NAALADL2: variants seen among roughly 807,000 people sequenced by gnomAD.
The protein encoded by NAALADL2 is inactive N-acetylated-alpha-linked acidic dipeptidase-like protein 2.
Under a neutral mutation model 87.2 loss-of-function variants are expected in NAALADL2, and 76 were observed. The observed-to-expected ratio is 0.87, with a 90% CI of 0.72 to 1.05. The LOEUF is 1.05. Among genes scored for constraint, NAALADL2 ranks in the 50% least tolerant of loss-of-function variants. NAALADL2 has a pLI of 0.00. For synonymous variants in NAALADL2, 354 were observed against 331.0 expected (o/e 1.07, Z -0.75); for missense variants, 1,089 against 945.8 (o/e 1.15, Z -1.99).
At chr3:175,299,000 A>G (rs548873513) in intron 4 of NAALADL2, among the ~76,000 whole-genome samples, 9 of 152,306 alleles carry the variant, frequency 5.9e-5, no homozygotes, top group African/African-American at 1.7e-4. Context: ...ATTCTTTCAA[A>G]GTAATGACAC....
intron 5 of NAALADL2, among the ~76,000 whole-genome samples, chr3:175,328,657 T>A (rs1349135947): frequency 2.6e-5 from 4 of 152,164 alleles, no homozygotes; most frequent in African/African-American, 4.8e-5. Flanking sequence ...TTCTCAATCT[T>A]GAAGCACAAG....
chr3:175,221,731 T>G (rs913495545), intron 2 of NAALADL2, among the ~76,000 whole-genome samples: 6 of 151,816 alleles, frequency 4.0e-5, no homozygotes, highest in Non-Finnish European at 7.4e-5. Flanking sequence ...TTTTATTTCT[T>G]TATTTTTGTA....
At chr3:174,674,068 C>A (rs1475861725) in intron 2 of NAALADL2, among the ~76,000 whole-genome samples, 2 of 151,940 alleles carry the variant, frequency 1.3e-5, no homozygotes, top group Non-Finnish European at 2.9e-5. Flanking sequence ...AAGCATCGTG[C>A]TGGCATCTGC....
At chr3:174,882,768 CGTGTATATATACATAT>C (rs1459658340) in intron 1 of NAALADL2, among the ~76,000 whole-genome samples, 21 of 131,366 alleles carry the variant, frequency 1.6e-4, no homozygotes, top group African/African-American at 4.3e-4. Flanking sequence ...TATATACACA[CGTGTATATATACATAT>C]GTGTATATAT....
intron 2 of NAALADL2, among the ~76,000 whole-genome samples, chr3:174,671,536 C>T (rs578224942): frequency 6.6e-6 from 1 of 152,194 alleles, no homozygotes; most frequent in East Asian, 1.9e-4. Flanking sequence ...CTGTCCTTAA[C>T]ACAGTTTCCC....
intron 3 of NAALADL2, among the ~76,000 whole-genome samples, chr3:174,749,810 G>A (rs1223488655): frequency 2.0e-5 from 3 of 151,986 alleles, no homozygotes; most frequent in Admixed American, 6.6e-5. Context: ...TTTCTTTCCC[G>A]TATCTCTGCT....
Position 175,224,622 on chromosome 3 carries a change from A to G in NAALADL2, c.546-9309A>G, listed in dbSNP as rs1030376946. 6.6e-5 allele frequency among the ~76,000 whole-genome samples: 10 copies of G among 152,242 alleles called. No individual in the cohort carries two copies. In the East Asian group the frequency reaches 1.9e-3, roughly 29 times the overall value. On this transcript the variant is annotated intron_variant, in intron 2 of 13. Transcript: ENST00000454872. Reference sequence around the variant, plus strand: ...TTTGCTGAAAGTCTGCTCTTCTGGTATCATGGATAATTCATTAGGTTCAGT... The same window carrying G: ...TTTGCTGAAAGTCTGCTCTTCTGGTGTCATGGATAATTCATTAGGTTCAGT...
intron 3 of NAALADL2, among the ~76,000 whole-genome samples, chr3:174,766,109 TCTG>T (rs1323522996): frequency 2.0e-5 from 3 of 152,248 alleles, no homozygotes; most frequent in Non-Finnish European, 4.4e-5. Flanking sequence ...GAAAGAGACT[TCTG>T]CTTTCTCTGG....
intron 2 of NAALADL2, among the ~76,000 whole-genome samples, chr3:175,152,791 C>T (rs1388502945): frequency 3.3e-5 from 5 of 151,796 alleles, no homozygotes; most frequent in Non-Finnish European, 5.9e-5. Flanking sequence ...CCTGTAATCC[C>T]GGCTACTCAG....
intron 3 of NAALADL2, among the ~76,000 whole-genome samples, chr3:174,806,194 T>C (rs569371779): frequency 2.0e-5 from 3 of 152,178 alleles, no homozygotes; most frequent in Non-Finnish European, 2.9e-5. Flanking sequence ...GGATGTTTGC[T>C]AAGAACTGCC....
chr3:175,164,486 G>C (rs551597476), intron 2 of NAALADL2, among the ~76,000 whole-genome samples: 6 of 151,962 alleles, frequency 3.9e-5, no homozygotes, highest in Non-Finnish European at 7.4e-5. Flanking sequence ...CTTTTAAAAG[G>C]TAAAAGTATC....
intron 11 of NAALADL2, among the ~76,000 whole-genome samples, chr3:175,719,356 C>T (rs1016551408): frequency 4.0e-5 from 6 of 151,424 alleles, no homozygotes; most frequent in African/African-American, 1.5e-4. Flanking sequence ...TGAAAGTGCA[C>T]ATGTACCCTA....
At chr3:175,734,249 C>T (rs1284280424) in intron 11 of NAALADL2, among the ~76,000 whole-genome samples, 1 of 152,130 alleles carries the variant, frequency 6.6e-6, no homozygotes, top group Admixed American at 6.6e-5. Context: ...TTTCCATACA[C>T]CTTATGAAAT....
At chr3:175,699,344 G>A (rs944095832) in intron 11 of NAALADL2, among the ~76,000 whole-genome samples, 2 of 151,844 alleles carry the variant, frequency 1.3e-5, no homozygotes, top group Admixed American at 6.6e-5. Context: ...TAGATGACAG[G>A]CAACAAGAGA....
intron 3 of NAALADL2, among the ~76,000 whole-genome samples, chr3:174,748,828 C>T (rs1734538890): frequency 6.6e-6 from 1 of 152,156 alleles, no homozygotes; most frequent in East Asian, 1.9e-4. Context: ...TAAGCCAACA[C>T]ATCTATTACC....
intron 1 of NAALADL2, among the ~76,000 whole-genome samples, chr3:174,873,939 A>G (rs947186283): frequency 9.9e-5 from 15 of 152,056 alleles, no homozygotes; most frequent in African/African-American, 3.6e-4. Context: ...CAAGAATAAG[A>G]AACCAGTTGT....
intron 11 of NAALADL2, among the ~76,000 whole-genome samples, chr3:175,715,202 A>T (rs1253672826): frequency 6.6e-6 from 1 of 152,178 alleles, no homozygotes; most frequent in Non-Finnish European, 1.5e-5. Context: ...GGCCACAAGG[A>T]TGTGGACAGA....
intron 2 of NAALADL2, among the ~76,000 whole-genome samples, chr3:174,720,731 T>C (rs1731638019): frequency 6.6e-6 from 1 of 152,208 alleles, no homozygotes; most frequent in Admixed American, 6.5e-5. Flanking sequence ...AGTAGATTAA[T>C]AAAATGCAGT....
chr3:174,711,151 C>T (rs1041593941), intron 2 of NAALADL2, among the ~76,000 whole-genome samples: 1 of 152,192 alleles, frequency 6.6e-6, no homozygotes, highest in Non-Finnish European at 1.5e-5. Context: ...CCATATACTA[C>T]ACTTCCAGAA....
Sources: gnomAD v4.1 joint callset for allele counts (sites outside exome capture counted in the v4.1 genomes callset) on GRCh38, gnomAD v4.1.1 for gene constraint, MANE v1.5 for transcripts, NCBI Gene and HGNC (gene_info 2026-07-23, HGNC 2026-07-21) for gene names.